Variants in ARHGAP39 observed in about 807,000 individuals in gnomAD.
ARHGAP39 encodes the protein Rho GTPase activating protein 39.
ARHGAP39 carries 44 observed loss-of-function variants against 106.9 expected under a neutral mutation model. That is an observed-to-expected ratio of 0.41 (90% CI 0.32 to 0.53). The LOEUF (loss-of-function observed/expected upper bound fraction) is 0.53, where lower values mean the gene tolerates loss of function less well. ARHGAP39 is among the 20% of genes least tolerant of loss of function. The probability of loss-of-function intolerance (pLI) is 0.21; values close to 1 mark genes in which losing one functional copy is unlikely to be tolerated. For synonymous variants in ARHGAP39, 768 were observed against 693.2 expected (o/e 1.11, Z -1.69); for missense variants, 1,496 against 1,577.3 (o/e 0.95, Z 0.87).
intron 6 of ARHGAP39, among the ~76,000 whole-genome samples, chr8:144,539,727 G>T (rs997460840): frequency 6.6e-6 from 1 of 152,078 alleles, no homozygotes; most frequent in Non-Finnish European, 1.5e-5. Context: ...TCCATCCATG[G>T]GTCTGTTTCT....
At chr8:144,615,706 A>G (rs1586616315) in intron 1 of ARHGAP39, among the ~76,000 whole-genome samples, 1 of 152,156 alleles carries the variant, frequency 6.6e-6, no homozygotes, top group Admixed American at 6.5e-5. Context: ...TCCACTCTCA[A>G]TGCTGTTTTT....
rs148315235 is a variant in ARHGAP39, at chr8:144,547,198, T to G, written c.1888A>C (p.Ile630Leu). 15 of 1,612,372 alleles carry G rather than the reference T, an allele frequency of 9.3e-6. No homozygotes were observed. The African/African-American group carries it at 1.9e-4, about 20-fold the overall frequency. ...ACGGAGACGCTCTTCTCCAGCAGGA[T>G]CTGGGGGAAGCCTAGCTTCTCGAAG... ...GTFEKLGFPQ[I>L]LLEKSVSVQT... The change falls in exon 5 of 12, where the codon ATC becomes CTC. Residue 630 changes from isoleucine to leucine, a missense_variant. Coordinates refer to ENST00000377307, the MANE Select transcript of ARHGAP39 (RefSeq NM_025251.3). This position sits in a 1 kb window ranked among gnomAD's most constrained non-coding sequence, Gnocchi z 5.2.
At chr8:144,545,215 C>T (rs1817357999) in intron 6 of ARHGAP39, 34 bp downstream of exon 6, 1 of 1,481,330 alleles carries the variant, frequency 6.8e-7, no homozygotes, top group African/African-American at 1.4e-5. Context: ...CTGCCCTTAC[C>T]TGAGCTGGTG....
intron 1 of ARHGAP39, among the ~76,000 whole-genome samples, chr8:144,666,151 G>A (rs1821957714): frequency 6.6e-6 from 1 of 152,150 alleles, no homozygotes; most frequent in South Asian, 2.1e-4. Context: ...CTTGCAAGGG[G>A]CCTGTAACCC....
intron 3 of ARHGAP39, among the ~76,000 whole-genome samples, chr8:144,562,423 C>G (rs1367164893): frequency 6.6e-6 from 1 of 151,784 alleles, no homozygotes; most frequent in African/African-American, 2.4e-5. Flanking sequence ...TGGTTTCCAT[C>G]GGACCCCAGT....
chr8:144,533,055 T>G (rs1425358811), intron 9 of ARHGAP39, 71 bp downstream of exon 9: 3 of 1,540,510 alleles, frequency 1.9e-6, no homozygotes, highest in Non-Finnish European at 2.6e-6. Context: ...TAATGGCCCC[T>G]GCATGCCACA....
chr8:144,590,246 G>A (rs1819341143), intron 2 of ARHGAP39, among the ~76,000 whole-genome samples: 1 of 152,232 alleles, frequency 6.6e-6, no homozygotes, highest in Admixed American at 6.5e-5. Context: ...TGGTGACCTT[G>A]TATAGTGGCA....
the ARHGAP39 span, among the ~76,000 whole-genome samples, chr8:144,691,971 G>T: frequency 6.6e-6 from 1 of 151,880 alleles, no homozygotes; most frequent in South Asian, 2.1e-4. Context: ...ACTTTGTCTT[G>T]GAAATGGACC....
chr8:144,558,983 C>T (rs530919183), intron 3 of ARHGAP39, among the ~76,000 whole-genome samples: 125 of 151,860 alleles, frequency 8.2e-4, no homozygotes, highest in Non-Finnish European at 1.5e-3. Flanking sequence ...CCAAGGTGGG[C>T]GGATCACAAG....
At chr8:144,667,332 T>C (rs1039318343) in intron 1 of ARHGAP39, among the ~76,000 whole-genome samples, 5 of 152,188 alleles carry the variant, frequency 3.3e-5, no homozygotes, top group Non-Finnish European at 7.4e-5. Context: ...ACAAGTGGTT[T>C]ACTTCCTTCA....
Position 144,545,459 on chromosome 8 carries a change from C to T in ARHGAP39, c.2311G>A (p.Ala771Thr). 1 of 1,593,726 alleles carries T rather than the reference C, an allele frequency of 6.3e-7. No individual in the cohort carries two copies. The highest frequency in any genetic ancestry group is 1.7e-5 in the Admixed American group (1 of 59,526). ...CCCTGCACGCTCCAGCCCTTGGTGG[C>T]CACCTCCAGGGCCACGTGCAGTGGG... ...ADPLHVALEV[A>T]TKGWSVQGLR... The change falls in exon 6 of 12, where the codon GCC becomes ACC. Residue 771 changes from alanine to threonine, a missense_variant. Transcript: ENST00000377307.
intron 3 of ARHGAP39, among the ~76,000 whole-genome samples, chr8:144,574,149 G>GA (rs35193383): frequency 0.14 from 15,051 of 107,160 alleles, 1,397 homozygotes; most frequent in African/African-American, 0.28. Context: ...CTGGGTGACA[G>GA]AAAAAAAAAA....
At chr8:144,669,474 T>C (rs1822044407) in intron 1 of ARHGAP39, among the ~76,000 whole-genome samples, 1 of 115,816 alleles carries the variant, frequency 8.6e-6, no homozygotes. Context: ...ACCACTGCAC[T>C]CCAGCCTGGA....
At chr8:144,666,428 T>C (rs1821964329) in intron 1 of ARHGAP39, among the ~76,000 whole-genome samples, 1 of 152,112 alleles carries the variant, frequency 6.6e-6, no homozygotes, top group Non-Finnish European at 1.5e-5. Flanking sequence ...TGGAATGATA[T>C]GGTTTGGCTG....
rs1818924441 is a variant in ARHGAP39 at position 144,580,312 on chromosome 8, G to A, written c.512+534C>T. ...AGGTCCACACACCCCACGCCCGCAC[G>A]CAAATCCCCACATCTGCATCTCCCA... On this transcript the variant is annotated intron_variant, in intron 3 of 11. Transcript: ENST00000377307. Among the ~76,000 whole-genome samples, 3 of 152,022 alleles carry A rather than the reference G, an allele frequency of 2.0e-5. No individual in the cohort carries two copies. The South Asian group carries it at 6.2e-4, about 32-fold the overall frequency.
At position 144,581,115 on chromosome 8, in the gene ARHGAP39, G is replaced by C; in HGVS notation, c.243C>G (p.Tyr81Ter). The change falls in exon 3 of 12, where the codon TAC becomes TAG. Residue 81 changes from tyrosine (Y) to a stop codon, truncating the protein, a stop_gained. Transcript: ENST00000377307. LOFTEE classifies it high-confidence loss of function. ...ELFDPNTSRF[Y>*]YYNASTQRTV... ...TGCGCTGCGTGCTGGCATTGTAGTAGTAGAAGCGGGACGTGTTGGGGTCGA... is the reference window on the plus strand; with the variant it reads ...TGCGCTGCGTGCTGGCATTGTAGTACTAGAAGCGGGACGTGTTGGGGTCGA... 6.3e-7 allele frequency: 1 copy of C among 1,592,852 alleles called. No homozygotes were observed. Among genetic ancestry groups the C allele is most frequent in the Non-Finnish European group, 8.5e-7 (1 of 1,170,670 alleles).
chr8:144,665,861 G>T (rs186671374), intron 1 of ARHGAP39, among the ~76,000 whole-genome samples: 1 of 152,330 alleles, frequency 6.6e-6, no homozygotes, highest in Non-Finnish European at 1.5e-5. Flanking sequence ...CCCTACTGGG[G>T]CATGGCCTAG....
chr8:144,541,758 G>C (rs897868042), intron 6 of ARHGAP39, among the ~76,000 whole-genome samples: 1 of 152,118 alleles, frequency 6.6e-6, no homozygotes, highest in Non-Finnish European at 1.5e-5. Flanking sequence ...TCTCCATTCA[G>C]CTGCTGATGG....
At chr8:144,562,260 C>T (rs1818209287) in intron 3 of ARHGAP39, among the ~76,000 whole-genome samples, 1 of 82,986 alleles carries the variant, frequency 1.2e-5, no homozygotes, top group Non-Finnish European at 3.2e-5. Context: ...CAGTGGTTTC[C>T]ATCGTGCTCC....
Sources: gnomAD v4.1 joint callset for allele counts (sites outside exome capture counted in the v4.1 genomes callset) on GRCh38, gnomAD v4.1.1 for gene constraint, Gnocchi (gnomAD v3.1) non-coding constraint, MANE v1.5 for transcripts, NCBI Gene and HGNC (gene_info 2026-07-23, HGNC 2026-07-21) for gene names.